The following TMEM132B variants were observed in gnomAD, a reference collection of about 807,000 sequenced individuals.
TMEM132B encodes transmembrane protein 132B.
A neutral mutation model predicts 90.8 loss-of-function variants in TMEM132B; 18 were observed. The observed-to-expected ratio is 0.20, with a 90% CI of 0.14 to 0.29. The LOEUF (loss-of-function observed/expected upper bound fraction) is 0.29, where lower values mean the gene tolerates loss of function less well. Among genes scored for constraint, TMEM132B ranks in the 10% least tolerant of loss-of-function variants. TMEM132B has a pLI of 1.00. For missense variants in TMEM132B, 1,096 were observed against 1,326.8 expected (o/e 0.83, Z 2.70); for synonymous variants, 504 against 523.3 (o/e 0.96, Z 0.50).
chr12:125,189,056 C>T (rs1393897475), intron 1 of TMEM132B, among the ~76,000 whole-genome samples: 1 of 151,958 alleles, frequency 6.6e-6, no homozygotes, highest in East Asian at 1.9e-4. Context: ...GGCAAAGATG[C>T]GCACACTGTC....
intron 1 of TMEM132B, among the ~76,000 whole-genome samples, chr12:125,238,552 G>A (rs7312850): frequency 0.24 from 35,905 of 152,064 alleles, 5,472 homozygotes; most frequent in East Asian, 0.44. Flanking sequence ...TTATTGCAGT[G>A]CATTCAGATG....
rs542991547 is a variant in TMEM132B, at chr12:125,347,324, C to T, written c.68-2128C>T. On this transcript the variant is annotated intron_variant, in intron 1 of 8. Coordinates refer to ENST00000682704, the MANE Select transcript of TMEM132B (RefSeq NM_001366854.1). ...ATTGGAGGAATGAATAAGTAATTAC[C>T]CTGCTGGAGTAATGAATCTAACAAG... Among the ~76,000 whole-genome samples the T allele has an allele frequency of 7.2e-4, 110 of 152,166 alleles. 1 individual carries two copies. The highest frequency in any genetic ancestry group is 2.6e-3 in the African/African-American group (109 of 41,514).
rs1318867095 is a variant in TMEM132B, at chr12:125,295,489, C to T, written c.68-53963C>T. Among the ~76,000 whole-genome samples the T allele has an allele frequency of 1.1e-4, 16 of 148,906 alleles. No homozygotes were observed. The East Asian group carries it at 3.1e-3, about 29-fold the overall frequency. Reference sequence around the variant, plus strand: ...GGGTCACATAGGCCGGCTGTCTCTCCTCCATGAAACCTGTGTGTGTGTGTG... The same window carrying T: ...GGGTCACATAGGCCGGCTGTCTCTCTTCCATGAAACCTGTGTGTGTGTGTG... On this transcript the variant is annotated intron_variant, in intron 1 of 8. Transcript: ENST00000682704.
intron 1 of TMEM132B, among the ~76,000 whole-genome samples, chr12:125,305,875 C>T (rs926677073): frequency 6.6e-6 from 1 of 152,200 alleles, no homozygotes; most frequent in Non-Finnish European, 1.5e-5. Context: ...CTCTGTACTC[C>T]AGTGAAGTTA....
At chr12:125,302,680 A>T (rs1309120007) in intron 1 of TMEM132B, among the ~76,000 whole-genome samples, 1 of 152,236 alleles carries the variant, frequency 6.6e-6, no homozygotes, top group East Asian at 1.9e-4. Context: ...TGTAATATAC[A>T]TAAAATTTGC....
chr12:125,299,738 A>T (rs940147879), intron 1 of TMEM132B, among the ~76,000 whole-genome samples: 34 of 152,216 alleles, frequency 2.2e-4, no homozygotes, highest in Middle Eastern at 3.4e-3. Context: ...CCACCAGCAG[A>T]TCCTGCTGGC....
chr12:125,218,947 C>G (rs1873500974), intron 1 of TMEM132B, among the ~76,000 whole-genome samples: 1 of 151,988 alleles, frequency 6.6e-6, no homozygotes, highest in Non-Finnish European at 1.5e-5. Flanking sequence ...TGTTTTGAAA[C>G]TAGATAAAGG....
At chr12:125,195,256 T>TAAG (rs1357281723) in intron 1 of TMEM132B, among the ~76,000 whole-genome samples, 1 of 152,052 alleles carries the variant, frequency 6.6e-6, no homozygotes, top group Non-Finnish European at 1.5e-5. Flanking sequence ...CCTGTCTTTG[T>TAAG]GGTTAGCATT....
intron 1 of TMEM132B, among the ~76,000 whole-genome samples, chr12:125,196,394 C>T (rs934326030): frequency 6.6e-6 from 1 of 152,170 alleles, no homozygotes; most frequent in African/African-American, 2.4e-5. Flanking sequence ...ATTTTTGCAT[C>T]TGTAAGATGG....
intron 4 of TMEM132B, among the ~76,000 whole-genome samples, chr12:125,534,689 A>G (rs1883750385): frequency 6.7e-6 from 1 of 149,830 alleles, no homozygotes; most frequent in African/African-American, 2.5e-5. Context: ...CACTACTACC[A>G]TTACAGTTAC....
At chr12:125,607,561 T>C (rs1035979482) in intron 5 of TMEM132B, among the ~76,000 whole-genome samples, 4 of 152,226 alleles carry the variant, frequency 2.6e-5, no homozygotes, top group African/African-American at 9.6e-5. Context: ...ACTCAAAGCA[T>C]AGAGGTATCC....
At chr12:125,336,187 G>T (rs1381403118) in intron 1 of TMEM132B, among the ~76,000 whole-genome samples, 1 of 152,136 alleles carries the variant, frequency 6.6e-6, no homozygotes, top group Non-Finnish European at 1.5e-5. Flanking sequence ...TCACCGATGT[G>T]TTCTTCATCC....
intron 4 of TMEM132B, among the ~76,000 whole-genome samples, chr12:125,548,942 G>A (rs1055142880): frequency 6.6e-6 from 1 of 152,178 alleles, no homozygotes; most frequent in Admixed American, 6.5e-5. Context: ...CCAGTTTCCT[G>A]TGTTACCCTG....
chr12:125,617,728 A>G (rs1886024221), intron 5 of TMEM132B, among the ~76,000 whole-genome samples: 1 of 152,020 alleles, frequency 6.6e-6, no homozygotes, highest in African/African-American at 2.4e-5. Context: ...ACTACTTTCC[A>G]GCTTATCCCT....
intron 1 of TMEM132B, among the ~76,000 whole-genome samples, chr12:125,243,031 A>G (rs1284869983): frequency 7.0e-6 from 1 of 142,094 alleles, no homozygotes; most frequent in South Asian, 2.2e-4. Flanking sequence ...ATATATATAT[A>G]TACACACACA....
chr12:125,620,108 C>A (rs541916375), intron 5 of TMEM132B, among the ~76,000 whole-genome samples: 1 of 152,340 alleles, frequency 6.6e-6, no homozygotes, highest in African/African-American at 2.4e-5. Flanking sequence ...CAGAGCCTTT[C>A]AATTGTGCCT....
At chr12:125,583,106 G>T (rs1885092320) in intron 4 of TMEM132B, among the ~76,000 whole-genome samples, 1 of 152,210 alleles carries the variant, frequency 6.6e-6, no homozygotes, top group South Asian at 2.1e-4. Context: ...GAAACCAGTT[G>T]GGGAGGGCAT....
At chr12:125,436,676 T>C (rs1298177264) in intron 3 of TMEM132B, among the ~76,000 whole-genome samples, 1 of 152,178 alleles carries the variant, frequency 6.6e-6, no homozygotes, top group Non-Finnish European at 1.5e-5. Flanking sequence ...AACACCTTCA[T>C]ATTGGACTTC....
At chr12:125,194,217 T>C (rs527514197) in intron 1 of TMEM132B, among the ~76,000 whole-genome samples, 2 of 150,410 alleles carry the variant, frequency 1.3e-5, no homozygotes, top group Admixed American at 6.6e-5. Flanking sequence ...ATTTTATTAC[T>C]GAGGGTGATA....
Sources: allele counts gnomAD v4.1 joint callset (sites outside exome capture counted in the v4.1 genomes callset), GRCh38; gene constraint gnomAD v4.1.1; transcripts MANE v1.5; gene names NCBI Gene and HGNC (gene_info 2026-07-23, HGNC 2026-07-21).